The following IQSEC1 variants were observed in gnomAD, a reference collection of about 807,000 sequenced individuals.
IQSEC1 encodes the protein IQ motif and Sec7 domain ArfGEF 1, also known as IQ motif and SEC7 domain-containing protein 1.
In IQSEC1, 31 loss-of-function variants were observed where a neutral mutation model predicts 91.0. That is an observed-to-expected ratio of 0.34 (90% confidence interval 0.26 to 0.46). The LOEUF (loss-of-function observed/expected upper bound fraction) is 0.46, where lower values mean the gene tolerates loss of function less well. Ranked by LOEUF, IQSEC1 falls within the 20% of genes least tolerant of loss-of-function variation. IQSEC1 has a pLI of 1.00. For synonymous variants in IQSEC1, 699 were observed against 662.6 expected, an observed-to-expected ratio of 1.05 and a Z score of -0.84; for missense variants, 1,388 against 1,575.6, an observed-to-expected ratio of 0.88 and a Z score of 2.02.
At chr3:12,911,538 G>GC in intron 10 of IQSEC1, 91 bp downstream of exon 10, 3 of 938,544 alleles carry the variant, frequency 3.2e-6, no homozygotes, top group South Asian at 1.3e-5. Context: ...GAGCGTCGAA[G>GC]CCCCCCGCGG....
chr3:13,114,056 G>A (rs1706296022), intron 2 of IQSEC1, among the ~76,000 whole-genome samples: 1 of 152,264 alleles, frequency 6.6e-6, no homozygotes, highest in Non-Finnish European at 1.5e-5. Context: ...TGCACACACT[G>A]TTGATGCAAA....
chr3:13,031,667 C>T (rs963351191), intron 1 of IQSEC1, among the ~76,000 whole-genome samples: 1 of 151,740 alleles, frequency 6.6e-6, no homozygotes, highest in East Asian at 1.9e-4. Context: ...CTCATGGAGC[C>T]GACATTTGCA....
rs763657553 is a variant in IQSEC1, at chr3:12,936,028, A to G, written c.988T>C (p.Trp330Arg). The change falls in exon 3 of 14, where the codon TGG becomes CGG. Residue 330 changes from tryptophan (W) to arginine (R), a missense_variant. Trp to Arg is a moderately radical substitution (Grantham distance 101). Coordinates refer to ENST00000613206, the MANE Select transcript of IQSEC1 (RefSeq NM_001134382.3). The part of the protein sequence containing the change: ...LRAGGAAPDY[W>R]ALAHKEDKAD... The stretch of plus-strand genomic sequence containing the variant: ...TTGTCCTCTTTGTGGGCCAGGGCCC[A>G]GTAGTCTGGGGCTGCGCCCCCAGCC... 9.4e-6 allele frequency: 15 copies of G among 1,602,258 alleles called. No homozygotes were observed. Among genetic ancestry groups the G allele is most frequent in the Non-Finnish European group, 1.3e-5 (15 of 1,179,770 alleles).
intron 1 of IQSEC1, among the ~76,000 whole-genome samples, chr3:13,191,622 C>T (rs1166867995): frequency 1.3e-5 from 2 of 150,916 alleles, no homozygotes; most frequent in Non-Finnish European, 2.9e-5. Flanking sequence ...CAGGCAATTA[C>T]AGTTTGCATG....
intron 1 of IQSEC1, among the ~76,000 whole-genome samples, chr3:13,178,541 T>C (rs9883432): frequency 0.033 from 4,997 of 152,340 alleles, 264 homozygotes; most frequent in African/African-American, 0.11. Flanking sequence ...GGCCCTCTTC[T>C]GGGTTGCACC....
intron 1 of IQSEC1, among the ~76,000 whole-genome samples, chr3:13,001,917 G>A (rs1273135240): frequency 1.3e-5 from 2 of 152,114 alleles, no homozygotes; most frequent in East Asian, 3.9e-4. Flanking sequence ...AAATCAGCCA[G>A]GCGTGGTGGT....
At chr3:12,962,308 G>A (rs1469927488) in intron 1 of IQSEC1, among the ~76,000 whole-genome samples, 1 of 152,220 alleles carries the variant, frequency 6.6e-6, no homozygotes, top group Non-Finnish European at 1.5e-5. Flanking sequence ...TGCATCTCAT[G>A]ATTATACCAC....
intron 1 of IQSEC1, among the ~76,000 whole-genome samples, chr3:13,027,044 G>C (rs1022502502): frequency 2.6e-5 from 4 of 152,102 alleles, no homozygotes; most frequent in African/African-American, 9.7e-5. Context: ...TCTTCCAATG[G>C]TGCCCAGAGC....
intron 1 of IQSEC1, among the ~76,000 whole-genome samples, chr3:13,179,948 G>A (rs545737635): frequency 4.6e-5 from 7 of 152,294 alleles, no homozygotes; most frequent in Middle Eastern, 3.4e-3. Context: ...CTGCCTTCCC[G>A]TGGGGCAGGG....
chr3:12,953,649 T>C (rs1699712077), intron 1 of IQSEC1, among the ~76,000 whole-genome samples: 1 of 152,176 alleles, frequency 6.6e-6, no homozygotes, highest in Non-Finnish European at 1.5e-5. Context: ...GCAGTCAGCG[T>C]ACAGGGGGCT....
intron 2 of IQSEC1, among the ~76,000 whole-genome samples, chr3:12,939,418 GGCACAGTGGGTCAGGGGCCAGAAGA>G (rs1698545426): frequency 6.6e-6 from 1 of 152,232 alleles, no homozygotes; most frequent in Non-Finnish European, 1.5e-5. Context: ...GCCACTGGAG[GGCACAGTGGGTCAGGGGCCAGAAGA>G]GCACAGGAGA....
At chr3:12,902,654 A>AC in intron 13 of IQSEC1, 119 bp downstream of exon 13, 4 of 599,748 alleles carry the variant, frequency 6.7e-6, no homozygotes, top group East Asian at 6.7e-5. Flanking sequence ...AAAAAAAAAA[A>AC]CAACAAAAAA....
chr3:13,236,579 G>A (rs773698026), intron 1 of IQSEC1, among the ~76,000 whole-genome samples: 4 of 152,076 alleles, frequency 2.6e-5, no homozygotes, highest in Middle Eastern at 3.2e-3. Context: ...CAGGTGCTTC[G>A]GAGTCACAGA....
chr3:13,265,887 A>G (rs1188621733), intron 1 of IQSEC1, among the ~76,000 whole-genome samples: 1 of 110,122 alleles, frequency 9.1e-6, no homozygotes, highest in Non-Finnish European at 1.9e-5. Flanking sequence ...CTCTACGGGC[A>G]TTTAAAAAAA....
chr3:13,097,103 G>A (rs529373491), intron 2 of IQSEC1, among the ~76,000 whole-genome samples: 4 of 152,102 alleles, frequency 2.6e-5, no homozygotes, highest in African/African-American at 4.8e-5. Flanking sequence ...CTCGTGATCC[G>A]CCCACCTCGG....
At chr3:12,984,891 C>A (rs1701650362) in intron 1 of IQSEC1, among the ~76,000 whole-genome samples, 1 of 133,874 alleles carries the variant, frequency 7.5e-6, no homozygotes, top group African/African-American at 2.9e-5. Context: ...GTGGCGCTAT[C>A]CCGGCTCACT....
intron 1 of IQSEC1, among the ~76,000 whole-genome samples, chr3:13,068,583 T>C (rs1259206087): frequency 6.6e-6 from 1 of 152,120 alleles, no homozygotes; most frequent in Non-Finnish European, 1.5e-5. Context: ...AGCATGACGA[T>C]GTGACTCTTT....
At chr3:13,108,890 A>T (rs1349197498) in intron 2 of IQSEC1, among the ~76,000 whole-genome samples, 2 of 152,242 alleles carry the variant, frequency 1.3e-5, no homozygotes, top group African/African-American at 4.8e-5. Flanking sequence ...GGGGACCTGC[A>T]GGTCATGGCC....
chr3:13,277,137 A>AAAAAAAAAAAAAAC (rs60347391), intron 1 of IQSEC1, among the ~76,000 whole-genome samples: 6 of 118,386 alleles, frequency 5.1e-5, no homozygotes, highest in African/African-American at 2.2e-4. Context: ...AAAAAAAAAA[A>AAAAAAAAAAAAAAC]CAGAAAACAA....
Sources: allele counts gnomAD v4.1 joint callset (sites outside exome capture counted in the v4.1 genomes callset), GRCh38; gene constraint gnomAD v4.1.1; transcripts MANE v1.5; gene names NCBI Gene and HGNC (gene_info 2026-07-23, HGNC 2026-07-21).